The following CYP3A43 variants were observed in gnomAD, a reference collection of about 807,000 sequenced individuals.
The protein encoded by CYP3A43 is cytochrome P450 family 3 subfamily A member 43.
A neutral mutation model predicts 58.0 loss-of-function variants in CYP3A43; 45 were observed. That is an observed-to-expected ratio of 0.78 (90% CI 0.61 to 0.99). The LOEUF is 0.99. Among genes scored for constraint, CYP3A43 ranks in the 50% least tolerant of loss-of-function variants. CYP3A43 has a pLI of 0.00. For synonymous variants in CYP3A43, 191 were observed against 201.4 expected (o/e 0.95, Z 0.44); for missense variants, 593 against 591.9 (o/e 1.00, Z -0.02).
chr7:99,832,674 A>G (rs1167825122), intron 1 of CYP3A43, among the ~76,000 whole-genome samples: 1 of 152,062 alleles, frequency 6.6e-6, no homozygotes, highest in Non-Finnish European at 1.5e-5. Flanking sequence ...CATGTACCCT[A>G]AAACTTAAAG....
rs759943001 is a variant in CYP3A43, at chr7:99,863,643, C to G, written c.1360C>G (p.Leu454Val). Residue 454 changes from leucine (L) to valine (V), a missense_variant, in exon 12 of 13, where the codon CTT becomes GTT. Transcript: ENST00000354829. ...GMRFALTNIK[L>V]AVIRALQNFS... ...GAGGTTTGCTCTCACAAACATAAAA[C>G]TTGCTGTCATTAGAGCACTGCAGAA... 6.2e-7 allele frequency: 1 copy of G among 1,613,916 alleles called. No individual in the cohort carries two copies. Among genetic ancestry groups the G allele is most frequent in the Non-Finnish European group, 8.5e-7 (1 of 1,179,906 alleles).
chr7:99,844,110 GA>G, intron 3 of CYP3A43, 32 bp from the exon 4 acceptor site: 1 of 1,555,296 alleles, frequency 6.4e-7, no homozygotes, highest in Non-Finnish European at 8.8e-7. Flanking sequence ...TCAGGCAAGC[GA>G]GGTTTAGTCA....
intron 12 of CYP3A43, among the ~76,000 whole-genome samples, chr7:99,865,572 A>G (rs1650614067): frequency 6.7e-6 from 1 of 148,808 alleles, no homozygotes; most frequent in Non-Finnish European, 1.5e-5. Context: ...ATAGTTTAAC[A>G]TAATGCCTAA....
At chr7:99,839,038 A>C in intron 2 of CYP3A43, 82 bp from the exon 3 acceptor site, 1 of 1,498,014 alleles carries the variant, frequency 6.7e-7, no homozygotes, top group East Asian at 2.3e-5. Context: ...AAGTCATTGG[A>C]TTTGACTTTT....
chr7:99,853,514 C>G (rs759543163), intron 7 of CYP3A43, among the ~76,000 whole-genome samples: 2 of 152,062 alleles, frequency 1.3e-5, no homozygotes, highest in Non-Finnish European at 2.9e-5. Flanking sequence ...ATCAATGTAG[C>G]TAAAAGTTTG....
chr7:99,843,585 C>T (rs963697438), intron 3 of CYP3A43, among the ~76,000 whole-genome samples: 5 of 152,056 alleles, frequency 3.3e-5, no homozygotes, highest in African/African-American at 4.8e-5. Flanking sequence ...CCTGCCCTGG[C>T]TTCCCAAGTA....
chr7:99,829,176 A>T (rs1816741842), intron 1 of CYP3A43, among the ~76,000 whole-genome samples: 1 of 152,210 alleles, frequency 6.6e-6, no homozygotes, highest in Non-Finnish European at 1.5e-5. Context: ...GTAACCACCC[A>T]AGAGATTCAC....
chr7:99,840,791 C>T (rs1018623256), intron 3 of CYP3A43, among the ~76,000 whole-genome samples: 1 of 152,192 alleles, frequency 6.6e-6, no homozygotes, highest in African/African-American at 2.4e-5. Flanking sequence ...AAGACACCTG[C>T]CTCAGTCACT....
chr7:99,855,000 T>C (rs769914826), intron 7 of CYP3A43, among the ~76,000 whole-genome samples: 27 of 151,982 alleles, frequency 1.8e-4, no homozygotes, highest in Admixed American at 7.2e-4. Flanking sequence ...TTCTCATGAC[T>C]GGGTCCCAAG....
chr7:99,852,556 G>A (rs117495446), intron 7 of CYP3A43, among the ~76,000 whole-genome samples: 328 of 152,178 alleles, frequency 2.2e-3, no homozygotes, highest in South Asian at 4.4e-3. Flanking sequence ...ATATTTTGAT[G>A]TTATGGTAAA....
intron 10 of CYP3A43, among the ~76,000 whole-genome samples, chr7:99,860,304 T>C (rs1441349803): frequency 6.6e-6 from 1 of 152,212 alleles, no homozygotes; most frequent in East Asian, 1.9e-4. Flanking sequence ...CTCACAAGTC[T>C]GGATAGTGAG....
intron 7 of CYP3A43, among the ~76,000 whole-genome samples, chr7:99,853,756 C>G (rs538449209): frequency 7.9e-5 from 12 of 152,294 alleles, no homozygotes; most frequent in African/African-American, 2.6e-4. Context: ...AAGGTTTTTA[C>G]TGTTGGTCAA....
chr7:99,838,932 A>C, intron 2 of CYP3A43, 188 bp from the exon 3 acceptor site: 1 of 676,952 alleles, frequency 1.5e-6, no homozygotes, highest in Non-Finnish European at 2.4e-6. Flanking sequence ...ATGAGCCAAG[A>C]TCGCACCATT....
Position 99,865,857 on chromosome 7 carries a change from T to C in CYP3A43, c.1417-49T>C, listed in dbSNP as rs147270307. ...ATCTTTTTTATTTTGCTTCTATCTTTTCTTCATTTGCTTCATTGTTTCTGA... is the reference window on the plus strand; with the variant it reads ...ATCTTTTTTATTTTGCTTCTATCTTCTCTTCATTTGCTTCATTGTTTCTGA... On this transcript the variant is annotated intron_variant, in intron 12 of 12. Transcript: ENST00000354829. The C allele has an allele frequency of 2.1e-4, 285 of 1,380,406 alleles. No individual in the cohort carries two copies. The East Asian group carries it at 5.9e-3, about 29-fold the overall frequency. 85.5% of individuals were successfully genotyped at this position (1,380,406 alleles called of 1,614,324 possible).
chr7:99,842,381 A>G (rs1468003044), intron 3 of CYP3A43, among the ~76,000 whole-genome samples: 1 of 152,204 alleles, frequency 6.6e-6, no homozygotes, highest in African/African-American at 2.4e-5. Context: ...CATTCATATT[A>G]CTGATAATTC....
chr7:99,857,750 G>A (rs1022165206), intron 9 of CYP3A43, among the ~76,000 whole-genome samples: 3 of 152,212 alleles, frequency 2.0e-5, no homozygotes, highest in Non-Finnish European at 2.9e-5. Flanking sequence ...GGCTGAGGTG[G>A]GAGAATCACT....
At chr7:99,828,288 A>G (rs1816705627) in intron 1 of CYP3A43, 102 bp downstream of exon 1, 4 of 916,936 alleles carry the variant, frequency 4.4e-6, no homozygotes, top group Non-Finnish European at 4.9e-6. Context: ...GAGATAACGG[A>G]GGGGAAGTTA....
chr7:99,858,030 A>G (rs1408527930), intron 9 of CYP3A43, among the ~76,000 whole-genome samples: 1 of 152,144 alleles, frequency 6.6e-6, no homozygotes, highest in African/African-American at 2.4e-5. Flanking sequence ...GTTGCTCAAT[A>G]CAGACATCAC....
At chr7:99,860,956 C>T (rs565206649) in intron 10 of CYP3A43, among the ~76,000 whole-genome samples, 19 of 152,200 alleles carry the variant, frequency 1.2e-4, no homozygotes, top group Middle Eastern at 3.4e-3. Flanking sequence ...TCACTGCTAC[C>T]TCCGCCTCCA....
Sources: gnomAD v4.1 joint callset for allele counts (sites outside exome capture counted in the v4.1 genomes callset) on GRCh38, gnomAD v4.1.1 for gene constraint, MANE v1.5 for transcripts, NCBI Gene and HGNC (gene_info 2026-07-23, HGNC 2026-07-21) for gene names.